GALNT17: variants seen among roughly 807,000 people sequenced by gnomAD.
GALNT17 encodes the protein UDP-GalNAc:polypeptide N-acetylgalactosaminyltransferase-like 3.
A neutral mutation model predicts 63.7 loss-of-function variants in GALNT17; 29 were observed. That is an observed-to-expected ratio of 0.46 (90% CI 0.34 to 0.62). The LOEUF (loss-of-function observed/expected upper bound fraction) is 0.62, where lower values mean the gene tolerates loss of function less well. Ranked by LOEUF, GALNT17 falls within the 20% of genes least tolerant of loss-of-function variation. The pLI is 0.01. For synonymous variants in GALNT17, 305 were observed against 318.3 expected, an observed-to-expected ratio of 0.96 and a Z score of 0.45; for missense variants, 603 against 799.6, an observed-to-expected ratio of 0.75 and a Z score of 2.97.
At chr7:71,393,893 G>T (rs75687621) in intron 3 of GALNT17, among the ~76,000 whole-genome samples, 2,341 of 152,214 alleles carry the variant, frequency 0.015, 23 homozygotes, top group African/African-American at 0.027. Context: ...GCATTTTGCT[G>T]CCCAGATCTT....
At chr7:71,380,130 C>T (rs1792817135) in intron 2 of GALNT17, among the ~76,000 whole-genome samples, 1 of 152,026 alleles carries the variant, frequency 6.6e-6, no homozygotes, top group Non-Finnish European at 1.5e-5. Flanking sequence ...AAGGTCCCTC[C>T]ATTCTGGCCA....
At chr7:71,208,033 G>A (rs1368315539) in intron 1 of GALNT17, among the ~76,000 whole-genome samples, 4 of 151,496 alleles carry the variant, frequency 2.6e-5, no homozygotes, top group Admixed American at 6.6e-5. Context: ...CCCCCTGGGC[G>A]CAAGTGATCC....
At chr7:71,163,265 G>GT (rs1562876672) in intron 1 of GALNT17, among the ~76,000 whole-genome samples, 1 of 152,178 alleles carries the variant, frequency 6.6e-6, no homozygotes. Flanking sequence ...TGGATGCACT[G>GT]TTTCTGATGC....
intron 2 of GALNT17, among the ~76,000 whole-genome samples, chr7:71,359,817 C>T (rs568721317): frequency 6.6e-6 from 1 of 152,254 alleles, no homozygotes; most frequent in African/African-American, 2.4e-5. Context: ...CTCCTGACCT[C>T]AGGTGATCCA....
intron 5 of GALNT17, among the ~76,000 whole-genome samples, chr7:71,529,715 C>T (rs1186355864): frequency 6.6e-6 from 1 of 152,136 alleles, no homozygotes. Context: ...CTTTCAGTAG[C>T]AGATGAGGCA....
At chr7:71,605,152 C>T (rs749089764) in intron 6 of GALNT17, among the ~76,000 whole-genome samples, 2 of 152,158 alleles carry the variant, frequency 1.3e-5, no homozygotes, top group Non-Finnish European at 2.9e-5. Flanking sequence ...CACCCTCAAA[C>T]TTGGCTCGCT....
intron 6 of GALNT17, among the ~76,000 whole-genome samples, chr7:71,641,690 T>A (rs1332190727): frequency 6.6e-6 from 1 of 151,880 alleles, no homozygotes; most frequent in Non-Finnish European, 1.5e-5. Flanking sequence ...GGGTCAGGAT[T>A]TGAACACATG....
chr7:71,637,515 T>C (rs2117000865), intron 6 of GALNT17, among the ~76,000 whole-genome samples: 1 of 150,670 alleles, frequency 6.6e-6, no homozygotes, highest in South Asian at 2.1e-4. Context: ...AGCCATCAAG[T>C]AGCCTGAGGG....
At chr7:71,688,592 A>C (rs922430287) in intron 9 of GALNT17, among the ~76,000 whole-genome samples, 1 of 152,214 alleles carries the variant, frequency 6.6e-6, no homozygotes, top group African/African-American at 2.4e-5. Flanking sequence ...GGAAGGCTTG[A>C]GTTCCTAAAT....
chr7:71,627,536 A>G (rs970206606), intron 6 of GALNT17, among the ~76,000 whole-genome samples: 19 of 152,218 alleles, frequency 1.2e-4, no homozygotes, highest in Non-Finnish European at 2.2e-4. Context: ...GCAAATGGCC[A>G]GAGTAGTGAG....
At chr7:71,525,852 G>A (rs1469475841) in intron 5 of GALNT17, among the ~76,000 whole-genome samples, 2 of 146,492 alleles carry the variant, frequency 1.4e-5, no homozygotes, top group Admixed American at 7.1e-5. Context: ...TGATTCTCCT[G>A]CCTCATCTTC....
intron 1 of GALNT17, among the ~76,000 whole-genome samples, chr7:71,159,432 C>CT (rs1167608008): frequency 6.6e-6 from 1 of 151,218 alleles, no homozygotes; most frequent in East Asian, 1.9e-4. Context: ...GTCTACCTTC[C>CT]TTTTTTTCTA....
intron 5 of GALNT17, among the ~76,000 whole-genome samples, chr7:71,421,531 G>A (rs188640983): frequency 6.6e-6 from 1 of 152,238 alleles, no homozygotes; most frequent in Admixed American, 6.5e-5. Flanking sequence ...AGGGGGTGTG[G>A]CATTCTGAGG....
chr7:71,471,478 G>A (rs1486253151), intron 5 of GALNT17, among the ~76,000 whole-genome samples: 2 of 150,958 alleles, frequency 1.3e-5, no homozygotes, highest in East Asian at 2.0e-4. Context: ...AGATTCTATA[G>A]GCAATTAATG....
chr7:71,424,813 G>T (rs916050002), intron 5 of GALNT17, among the ~76,000 whole-genome samples: 3 of 152,090 alleles, frequency 2.0e-5, no homozygotes, highest in Non-Finnish European at 4.4e-5. Flanking sequence ...TTAATAGTAC[G>T]ATTTTGCTCC....
intron 3 of GALNT17, among the ~76,000 whole-genome samples, chr7:71,409,240 G>A (rs1028056184): frequency 6.6e-6 from 1 of 152,050 alleles, no homozygotes; most frequent in African/African-American, 2.4e-5. Context: ...AGCTCAGTTG[G>A]AGTAAGCTCT....
intron 5 of GALNT17, among the ~76,000 whole-genome samples, chr7:71,509,253 A>G (rs147260477): frequency 8.6e-4 from 131 of 152,346 alleles, no homozygotes; most frequent in Middle Eastern, 3.4e-3. Flanking sequence ...GGCTAATGTA[A>G]GTGTTCTGAG....
intron 1 of GALNT17, among the ~76,000 whole-genome samples, chr7:71,216,550 C>T (rs1323634815): frequency 1.3e-5 from 2 of 151,778 alleles, no homozygotes; most frequent in Non-Finnish European, 2.9e-5. Flanking sequence ...GTATATTATA[C>T]ATATGTAACA....
chr7:71,297,083 C>T (rs1374912746), intron 1 of GALNT17, among the ~76,000 whole-genome samples: 1 of 152,240 alleles, frequency 6.6e-6, no homozygotes. Flanking sequence ...ACCTCATTGC[C>T]TGCTCTTCCA....
Sources: gnomAD v4.1 joint callset for allele counts (sites outside exome capture counted in the v4.1 genomes callset) on GRCh38, gnomAD v4.1.1 for gene constraint, MANE v1.5 for transcripts, NCBI Gene and HGNC (gene_info 2026-07-23, HGNC 2026-07-21) for gene names.